The following BHLHE22 variants were observed in gnomAD, a reference collection of about 807,000 sequenced individuals.
BHLHE22 encodes basic helix-loop-helix family member e22, also known as class E basic helix-loop-helix protein 22.
A neutral mutation model predicts 17.6 loss-of-function variants in BHLHE22; 8 were observed. That is an observed-to-expected ratio of 0.45 (90% CI 0.27 to 0.82). The LOEUF (loss-of-function observed/expected upper bound fraction) is 0.82, where lower values mean the gene tolerates loss of function less well. BHLHE22 is among the 40% of genes least tolerant of loss of function. BHLHE22 has a pLI of 0.16. For missense variants in BHLHE22, 570 were observed against 581.5 expected (o/e 0.98, Z 0.20); for synonymous variants, 353 against 282.7 (o/e 1.25, Z -2.49).
rs140123212 is a variant in BHLHE22, at chr8:64,581,591, G to C, written c.801G>C (p.Ala267=). ...ACGACGCGCTGGACGAGCTGCGCGCGGTGATCCCCTACGCGCACAGCCCCT... is the reference window on the plus strand; with the variant it reads ...ACGACGCGCTGGACGAGCTGCGCGCCGTGATCCCCTACGCGCACAGCCCCT... The part of the protein sequence containing the change: ...DLNDALDELR[A]VIPYAHSPSV... The change falls in exon 1 of 1, where the codon GCG becomes GCC. Residue 267 remains alanine (A), a synonymous_variant. Coordinates refer to ENST00000321870, the MANE Select transcript of BHLHE22 (RefSeq NM_152414.5). The surrounding 1 kb of genome is among the most constrained non-coding windows in gnomAD (Gnocchi z 6.4). The C allele has an allele frequency of 1.9e-6, 3 of 1,612,514 alleles. No individual in the cohort carries two copies. The highest frequency in any genetic ancestry group is 1.7e-6 in the Non-Finnish European group (2 of 1,179,788).
rs1420694680 is a variant in BHLHE22, at chr8:64,580,873, C to A, written c.83C>A (p.Ser28Tyr). The A allele has an allele frequency of 3.3e-6, 5 of 1,520,328 alleles. No homozygotes were observed. Among genetic ancestry groups the A allele is most frequent in the South Asian group, 1.2e-5 (1 of 81,056 alleles). The allele number at this position is 1,520,328 out of a possible 1,614,324, so 94.2% of individuals were successfully genotyped here. A position where few individuals can be genotyped will look rare whatever the true frequency, so the allele number is the denominator to read the frequency against. Reference protein sequence around the residue: ...FLHKSLSASTSKRLEAAFRST... With the variant: ...FLHKSLSASTYKRLEAAFRST... ...CACAAGAGCCTGAGCGCCTCCACCT[C>A]CAAGCGCTTGGAAGCGGCTTTCCGC... is the stretch of plus-strand genomic sequence containing the variant. Residue 28 changes from serine (S) to tyrosine (Y), a missense_variant, in exon 1 of 1, where the codon TCC becomes TAC. Physicochemically the swap from Ser to Tyr is moderately radical, Grantham distance 144 (BLOSUM62 -2). Around this residue, in one of 3 missense-constraint regions of BHLHE22, gnomAD observed 427 missense variants for 376.2 expected, o/e 1.14. Coordinates refer to ENST00000321870, the MANE Select transcript of BHLHE22 (RefSeq NM_152414.5).
Position 64,580,893 on chromosome 8 carries a change from T to C in BHLHE22, c.103T>C (p.Phe35Leu), listed in dbSNP as rs933956095. 3.3e-6 allele frequency: 5 copies of C among 1,521,480 alleles called. No individual in the cohort carries two copies. Among genetic ancestry groups the C allele is most frequent in the Non-Finnish European group, 4.4e-6 (5 of 1,145,318 alleles). 94.2% of individuals were successfully genotyped at this position (1,521,480 alleles called of 1,614,324 possible). The change falls in exon 1 of 1, where the codon TTC (phenylalanine) becomes CTC (leucine). Residue 35 changes from phenylalanine (F) to leucine (L), a missense_variant. Phe to Leu is a conservative substitution (Grantham distance 22). Around this residue, in one of 3 missense-constraint regions of BHLHE22, gnomAD observed 427 missense variants for 376.2 expected, o/e 1.14. Coordinates refer to ENST00000321870, the MANE Select transcript of BHLHE22 (RefSeq NM_152414.5). Reference protein sequence around the residue: ...ASTSKRLEAAFRSTPPGMDLS... With the variant: ...ASTSKRLEAALRSTPPGMDLS... Reference sequence around the variant, plus strand: ...CACCTCCAAGCGCTTGGAAGCGGCTTTCCGCTCCACGCCCCCGGGCATGGA... The same window carrying C: ...CACCTCCAAGCGCTTGGAAGCGGCTCTCCGCTCCACGCCCCCGGGCATGGA...
chr8:64,580,812 G>A lies in BHLHE22; in HGVS notation c.22G>A (p.Gly8Ser). 1 of 1,424,200 alleles carries A rather than the reference G, an allele frequency of 7.0e-7. No homozygotes were observed. Among genetic ancestry groups the A allele is most frequent in the Non-Finnish European group, 9.2e-7 (1 of 1,089,718 alleles). 88.2% of individuals were successfully genotyped at this position (1,424,200 alleles called of 1,614,324 possible). A position where few individuals can be genotyped will look rare whatever the true frequency, so the allele number is the denominator to read the frequency against. ...GACCATGGAGCGCGGGATGCACCTC[G>A]GTGCAGCGGCCGCCGGCGAGGACGA... Reference protein sequence around the residue: MERGMHLGAAAAGEDDLF... With the variant: MERGMHLSAAAAGEDDLF... Residue 8 changes from glycine to serine, a missense_variant, in exon 1 of 1, where the codon GGT (glycine) becomes AGT (serine). Gly to Ser is a moderately conservative substitution (Grantham distance 56). Transcript: ENST00000321870.
rs905953416 is a variant in BHLHE22, at chr8:64,582,519, CGAGA to C, written c.*592_*595del. ...ATAAAACCCAGAGAGAGAGAGAGAG[CGAGA>C]GAGAGAGACATGTTACTATGAAAGA... On this transcript the variant is annotated 3_prime_UTR_variant, in exon 1 of 1. Transcript: ENST00000321870. The C allele has an allele frequency of 3.7e-5, 6 of 160,882 alleles. No homozygotes were observed. The highest frequency in any genetic ancestry group is 3.9e-4 in the East Asian group (2 of 5,102). The allele number at this position is 160,882 out of a possible 1,614,324, so 10.0% of individuals were successfully genotyped here.
Position 64,580,678 on chromosome 8 carries a change from C to A in BHLHE22, c.-113C>A. The stretch of plus-strand genomic sequence containing the variant: ...CCGGCAGCACCAGGACCGACGCGCG[C>A]ACCAGCTCCGGAGCCCAGCTCGCGC... On this transcript the variant is annotated 5_prime_UTR_variant, in exon 1 of 1. Transcript: ENST00000321870. 1.8e-6 allele frequency: 1 copy of A among 557,166 alleles called. No homozygotes were observed. The highest frequency in any genetic ancestry group is 2.3e-6 in the Non-Finnish European group (1 of 436,686). The allele number at this position is 557,166 out of a possible 1,614,324, so 34.5% of individuals were successfully genotyped here. A position where few individuals can be genotyped will look rare whatever the true frequency, so the allele number is the denominator to read the frequency against.
rs762758678 is a variant in BHLHE22, at chr8:64,581,696, G to A, written c.906G>A (p.Glu302=). The A allele has an allele frequency of 1.2e-6, 2 of 1,610,314 alleles. No homozygotes were observed. Among genetic ancestry groups the A allele is most frequent in the South Asian group, 2.2e-5 (2 of 90,688 alleles). Residue 302 remains glutamate, a synonymous_variant, in exon 1 of 1, where the codon GAG becomes GAA. Transcript: ENST00000321870. The surrounding 1 kb of genome is among the most constrained non-coding windows in gnomAD (Gnocchi z 6.4). ...YILMQAQALE[E]MRRLVAYLNQ... ...TCATGCAGGCGCAGGCCCTGGAGGA[G>A]ATGCGGCGCCTAGTCGCCTACCTCA...
chr8:64,581,679 G>A lies in BHLHE22; in HGVS notation c.889G>A (p.Ala297Thr). The A allele has an allele frequency of 6.2e-7, 1 of 1,612,200 alleles. No individual in the cohort carries two copies. The highest frequency in any genetic ancestry group is 8.5e-7 in the Non-Finnish European group (1 of 1,179,578). ...CGCCAAGAACTACATCCTCATGCAG[G>A]CGCAGGCCCTGGAGGAGATGCGGCG... ...LLAKNYILMQ[A>T]QALEEMRRLV... Residue 297 changes from alanine to threonine, a missense_variant, in exon 1 of 1, where the codon GCG becomes ACG. Physicochemically the swap from Ala to Thr is moderately conservative, Grantham distance 58 (BLOSUM62 0). Coordinates refer to ENST00000321870, the MANE Select transcript of BHLHE22 (RefSeq NM_152414.5). The surrounding 1 kb of genome is among the most constrained non-coding windows in gnomAD (Gnocchi z 6.4).
At position 64,581,573 on chromosome 8, in the gene BHLHE22, G is replaced by C. The variant is rs775122920; in HGVS notation, c.783G>C (p.Ala261=). The C allele has an allele frequency of 3.1e-6, 5 of 1,611,722 alleles. No individual in the cohort carries two copies. Among genetic ancestry groups the C allele is most frequent in the African/African-American group, 2.7e-5 (2 of 74,922 alleles). Residue 261 remains alanine, a synonymous_variant, in exon 1 of 1, where the codon GCG becomes GCC. Coordinates refer to ENST00000321870, the MANE Select transcript of BHLHE22 (RefSeq NM_152414.5). The surrounding 1 kb of genome is among the most constrained non-coding windows in gnomAD (Gnocchi z 6.4). ...GGCGGATGCACGACCTGAACGACGC[G>C]CTGGACGAGCTGCGCGCGGTGATCC... ...ERRRMHDLND[A]LDELRAVIPY...
chr8:64,580,910 G>A lies in BHLHE22; in HGVS notation c.120G>A (p.Pro40=), dbSNP rs573703828. 3.3e-6 allele frequency: 5 copies of A among 1,521,418 alleles called. No individual in the cohort carries two copies. The Admixed American group carries it at 8.1e-5, about 25-fold the overall frequency. 94.2% of individuals were successfully genotyped at this position (1,521,418 alleles called of 1,614,324 possible). The change falls in exon 1 of 1, where the codon CCG becomes CCA. Residue 40 remains proline, a synonymous_variant. Coordinates refer to ENST00000321870, the MANE Select transcript of BHLHE22 (RefSeq NM_152414.5). Reference sequence around the variant, plus strand: ...AAGCGGCTTTCCGCTCCACGCCCCCGGGCATGGACCTGTCCCTGGCGCCGC... The same window carrying A: ...AAGCGGCTTTCCGCTCCACGCCCCCAGGCATGGACCTGTCCCTGGCGCCGC... ...RLEAAFRSTP[P]GMDLSLAPPP...
chr8:64,581,944 C>G lies in BHLHE22; in HGVS notation c.*8C>G, dbSNP rs752404016. On this transcript the variant is annotated 3_prime_UTR_variant, in exon 1 of 1. Coordinates refer to ENST00000321870, the MANE Select transcript of BHLHE22 (RefSeq NM_152414.5). This position sits in a 1 kb window ranked among gnomAD's most constrained non-coding sequence, Gnocchi z 6.4. ...TGCACGGAGAAGCCTTAAACACACCCCCGAAAAACACAAGACCGACCCAAA... is the reference window on the plus strand; with the variant it reads ...TGCACGGAGAAGCCTTAAACACACCGCCGAAAAACACAAGACCGACCCAAA... The G allele has an allele frequency of 1.2e-6, 2 of 1,610,842 alleles. No homozygotes were observed. The highest frequency in any genetic ancestry group is 1.7e-6 in the Non-Finnish European group (2 of 1,179,364).
chr8:64,582,732 A>G lies in BHLHE22; in HGVS notation c.*796A>G, dbSNP rs1804923782. 1 of 167,068 alleles carries G rather than the reference A, an allele frequency of 6.0e-6. No individual in the cohort carries two copies. The highest frequency in any genetic ancestry group is 6.5e-5 in the Admixed American group (1 of 15,288). The allele number at this position is 167,068 out of a possible 1,614,324, so 10.3% of individuals were successfully genotyped here. On this transcript the variant is annotated 3_prime_UTR_variant, in exon 1 of 1. Transcript: ENST00000321870. ...CATGGTATTTATTTGTTATTCTTCA[A>G]TGACCCTTCCACATCAACAGTATTT... is the stretch of plus-strand genomic sequence containing the variant.
In BHLHE22 at chr8:64,583,305, G is replaced by A. The variant is rs1237662904; in HGVS notation, c.*1369G>A. The A allele has an allele frequency of 6.0e-6, 1 of 167,064 alleles. No individual in the cohort carries two copies. The highest frequency in any genetic ancestry group is 1.5e-5 in the Non-Finnish European group (1 of 68,108). The allele number at this position is 167,064 out of a possible 1,614,324, so 10.3% of individuals were successfully genotyped here. A position where few individuals can be genotyped will look rare whatever the true frequency, so the allele number is the denominator to read the frequency against. The stretch of plus-strand genomic sequence containing the variant: ...AAATTTAAAAAGAAAGAAAACTAAG[G>A]AAGAACAAGAAGCTATTTACCCAAA... On this transcript the variant is annotated 3_prime_UTR_variant, in exon 1 of 1. Coordinates refer to ENST00000321870, the MANE Select transcript of BHLHE22 (RefSeq NM_152414.5).
At position 64,582,121 on chromosome 8, in the gene BHLHE22, T is replaced by A; in HGVS notation, c.*185T>A. 3 of 403,990 alleles carry A rather than the reference T, an allele frequency of 7.4e-6. No individual in the cohort carries two copies. The highest frequency in any genetic ancestry group is 1.4e-5 in the Non-Finnish European group (3 of 217,066). The allele number at this position is 403,990 out of a possible 1,614,324, so 25.0% of individuals were successfully genotyped here. ...TTTTAGCCTTGACATCCCCAGAATCTCGGTCTTTGGGGTGGGGAGGGAGGG... is the reference window on the plus strand; with the variant it reads ...TTTTAGCCTTGACATCCCCAGAATCACGGTCTTTGGGGTGGGGAGGGAGGG... On this transcript the variant is annotated 3_prime_UTR_variant, in exon 1 of 1. Transcript: ENST00000321870.
chr8:64,581,439 G>GGCGGTA lies in BHLHE22; in HGVS notation c.660_665dup (p.Ser223_Gly224dup), dbSNP rs748656496. ...CAGCAGCGGTAGCAGTGGCGGCGGT[G>GGCGGTA]GCGGTAGCGGTAGCGGCAGCGGCGG... On this transcript the variant is annotated inframe_insertion, in exon 1 of 1. Transcript: ENST00000321870. This position sits in a 1 kb window ranked among gnomAD's most constrained non-coding sequence, Gnocchi z 6.4. 6.4e-5 allele frequency: 92 copies of GGCGGTA among 1,445,610 alleles called. No homozygotes were observed. The highest frequency in any genetic ancestry group is 3.7e-4 in the Middle Eastern group (2 of 5,468). The allele number at this position is 1,445,610 out of a possible 1,614,324, so 89.5% of individuals were successfully genotyped here.
rs781622176 is a variant in BHLHE22, at chr8:64,581,381, G to A, written c.591G>A (p.Pro197=). The change falls in exon 1 of 1, where the codon CCG becomes CCA. Residue 197 remains proline, a synonymous_variant. Transcript: ENST00000321870. This position sits in a 1 kb window ranked among gnomAD's most constrained non-coding sequence, Gnocchi z 6.4. The part of the protein sequence containing the change: ...AHLHGGASVP[P]GGLGGGGGGG... ...TCCACGGCGGCGCCAGCGTCCCCCC[G>A]GGGGGCCTGGGCGGCGGCGGCGGCG... The A allele has an allele frequency of 4.7e-6, 7 of 1,502,780 alleles. No individual in the cohort carries two copies. The highest frequency in any genetic ancestry group is 5.3e-6 in the Non-Finnish European group (6 of 1,133,540). The allele number at this position is 1,502,780 out of a possible 1,614,324, so 93.1% of individuals were successfully genotyped here.
rs1237881124 is a variant in BHLHE22, at chr8:64,580,721, T to G, written c.-70T>G. On this transcript the variant is annotated 5_prime_UTR_variant, in exon 1 of 1. The change abolishes the stop of an existing upstream ORF in the 5' untranslated region. Coordinates refer to ENST00000321870, the MANE Select transcript of BHLHE22 (RefSeq NM_152414.5). ...GCTCGCGCGCGTCTGTGGGGCCGCCTGACTCCGGGGCCGAGGCGGCGGCGG... is the reference window on the plus strand; with the variant it reads ...GCTCGCGCGCGTCTGTGGGGCCGCCGGACTCCGGGGCCGAGGCGGCGGCGG... 2 of 969,056 alleles carry G rather than the reference T, an allele frequency of 2.1e-6. No individual in the cohort carries two copies. Among genetic ancestry groups the G allele is most frequent in the African/African-American group, 3.6e-5 (2 of 55,390 alleles). 60.0% of individuals were successfully genotyped at this position (969,056 alleles called of 1,614,324 possible).
chr8:64,581,879 C>T lies in BHLHE22; in HGVS notation c.1089C>T (p.Cys363=). The change falls in exon 1 of 1, where the codon TGC becomes TGT. Residue 363 remains cysteine, a synonymous_variant. Transcript: ENST00000321870. The surrounding 1 kb of genome is among the most constrained non-coding windows in gnomAD (Gnocchi z 6.4). Reference sequence around the variant, plus strand: ...CGGCTGCCTCCTGCCCGGAGAAGTGCGCCCTGTTTAACAGCGTCTCCTCCA... The same window carrying T: ...CGGCTGCCTCCTGCCCGGAGAAGTGTGCCCTGTTTAACAGCGTCTCCTCCA... ...LPPAASCPEK[C]ALFNSVSSSL... The T allele has an allele frequency of 1.9e-6, 3 of 1,609,700 alleles. No homozygotes were observed. Among genetic ancestry groups the T allele is most frequent in the Non-Finnish European group, 2.5e-6 (3 of 1,179,538 alleles).
In BHLHE22 at chr8:64,581,054, G is replaced by C; in HGVS notation, c.264G>C (p.Ala88=). Residue 88 remains alanine (A), a synonymous_variant, in exon 1 of 1, where the codon GCG becomes GCC. Transcript: ENST00000321870. This position sits in a 1 kb window ranked among gnomAD's most constrained non-coding sequence, Gnocchi z 6.4. ...CTGGAGGAGGCGGCGGCGGCAGCGC[G>C]GGAAGTGGCGGCGGCGGCGGCGGCG... is the stretch of plus-strand genomic sequence containing the variant. ...PPPGGGGGGS[A]GSGGGGGGGV... 7.5e-7 allele frequency: 1 copy of C among 1,325,240 alleles called. No individual in the cohort carries two copies. The allele number at this position is 1,325,240 out of a possible 1,614,324, so 82.1% of individuals were successfully genotyped here.
rs754616551 is a variant in BHLHE22 at position 64,582,870 on chromosome 8, G to A, written c.*934G>A. 1.3e-4 allele frequency: 21 copies of A among 167,064 alleles called. No individual in the cohort carries two copies. The Middle Eastern group carries it at 0.01, about 81-fold the overall frequency. 10.3% of individuals were successfully genotyped at this position (167,064 alleles called of 1,614,324 possible). A position where few individuals can be genotyped will look rare whatever the true frequency, so the allele number is the denominator to read the frequency against. ...TGTTTAAAGGTTTATTTGCCAACAA[G>A]TATGAAGAGAAATATTGATGTATCT... On this transcript the variant is annotated 3_prime_UTR_variant, in exon 1 of 1. Coordinates refer to ENST00000321870, the MANE Select transcript of BHLHE22 (RefSeq NM_152414.5).
Sources: gnomAD v4.1 joint callset for allele counts on GRCh38, gnomAD v4.1.1 for gene constraint, gnomAD v4.1.1 regional missense constraint, Gnocchi (gnomAD v3.1) non-coding constraint, MANE v1.5 for transcripts, NCBI Gene and HGNC (gene_info 2026-07-23, HGNC 2026-07-21) for gene names.